The following KLHL36 variants were observed in gnomAD, a reference collection of about 807,000 sequenced individuals.
KLHL36 encodes the protein kelch like family member 36, also known as kelch-like protein 36.
Under a neutral mutation model 53.3 loss-of-function variants are expected in KLHL36, and 35 were observed. The observed-to-expected ratio is 0.66, with a 90% CI of 0.50 to 0.87. KLHL36 has a LOEUF of 0.87. KLHL36 is among the 40% of genes least tolerant of loss of function. The probability of loss-of-function intolerance (pLI) is 0.00; values close to 1 mark genes in which losing one functional copy is unlikely to be tolerated. For synonymous variants in KLHL36, 472 were observed against 398.9 expected, an observed-to-expected ratio of 1.18 and a Z score of -2.18; for missense variants, 864 against 897.6, an observed-to-expected ratio of 0.96 and a Z score of 0.48.
At chr16:84,649,534 A>C (rs1906701032) in intron 1 of KLHL36, among the ~76,000 whole-genome samples, 1 of 151,132 alleles carries the variant, frequency 6.6e-6, no homozygotes, top group East Asian at 2.0e-4. Flanking sequence ...CGCGGTGGGC[A>C]CCGCACCAAC....
At chr16:84,652,966 C>A (rs1237760070) in intron 2 of KLHL36, among the ~76,000 whole-genome samples, 1 of 152,168 alleles carries the variant, frequency 6.6e-6, no homozygotes. Context: ...GCCTGTAATC[C>A]CAGCACCCTG....
chr16:84,667,022 A>G lies in KLHL36; in HGVS notation c.*4889A>G, dbSNP rs957713565. On this transcript the variant is annotated 3_prime_UTR_variant, in exon 5 of 5. Coordinates refer to ENST00000564996, the MANE Select transcript of KLHL36 (RefSeq NM_024731.4). Reference sequence around the variant, plus strand: ...GGTTGCAGTGAGCCGAGGTTGCGCCACTGCACTCCAGCCTGGGTGACCGAG... The same window carrying G: ...GGTTGCAGTGAGCCGAGGTTGCGCCGCTGCACTCCAGCCTGGGTGACCGAG... 6.6e-6 allele frequency: 1 copy of G among 151,002 alleles called. No homozygotes were observed. Among genetic ancestry groups the G allele is most frequent in the Non-Finnish European group, 1.5e-5 (1 of 67,826 alleles). 9.4% of individuals were successfully genotyped at this position (151,002 alleles called of 1,614,324 possible).
chr16:84,652,430 C>T (rs137898434), intron 2 of KLHL36, among the ~76,000 whole-genome samples: 12 of 152,032 alleles, frequency 7.9e-5, no homozygotes, highest in South Asian at 2.1e-4. Flanking sequence ...GCCACCATGC[C>T]CAGCTAATTT....
In KLHL36 at chr16:84,650,772, G is replaced by A. The variant is rs1244374890; in HGVS notation, c.-16-80G>A. Reference sequence around the variant, plus strand: ...TGTGACTGTTTTCACTGTCATCCTTGGTATCTGCTAGCAGGGCCTGAAATT... The same window carrying A: ...TGTGACTGTTTTCACTGTCATCCTTAGTATCTGCTAGCAGGGCCTGAAATT... On this transcript the variant is annotated intron_variant, in intron 1 of 4. Transcript: ENST00000564996. The A allele has an allele frequency of 1.3e-5, 13 of 986,122 alleles. No individual in the cohort carries two copies. The East Asian group carries it at 3.0e-4, about 23-fold the overall frequency. 61.1% of individuals were successfully genotyped at this position (986,122 alleles called of 1,614,324 possible).
Position 84,657,081 on chromosome 16 carries a change from G to A in KLHL36, c.274G>A (p.Ala92Thr), listed in dbSNP as rs1289972538. ...AFQKEVELIG[A>T]SYIGLKAVVD... ...CCAGAAGGAGGTGGAGCTGATCGGC[G>A]CCTCCTACATTGGGCTCAAGGCCGT... Residue 92 changes from alanine (A) to threonine (T), a missense_variant, in exon 3 of 5, where the codon GCC becomes ACC. Coordinates refer to ENST00000564996, the MANE Select transcript of KLHL36 (RefSeq NM_024731.4). 4.3e-6 allele frequency: 7 copies of A among 1,614,036 alleles called. No individual in the cohort carries two copies. The highest frequency in any genetic ancestry group is 1.1e-5 in the South Asian group (1 of 91,084).
At position 84,665,498 on chromosome 16, in the gene KLHL36, A is replaced by G. The variant is rs893817278; in HGVS notation, c.*3365A>G. On this transcript the variant is annotated 3_prime_UTR_variant, in exon 5 of 5. Transcript: ENST00000564996. ...CTGCTGTTTTAAATGCACAGAGATT[A>G]TTTTATCAACTGTGGTTAGCACGCA... 2.6e-5 allele frequency: 4 copies of G among 152,142 alleles called. No individual in the cohort carries two copies. Among genetic ancestry groups the G allele is most frequent in the African/African-American group, 9.7e-5 (4 of 41,428 alleles). The allele number at this position is 152,142 out of a possible 1,614,324, so 9.4% of individuals were successfully genotyped here. A position where few individuals can be genotyped will look rare whatever the true frequency, so the allele number is the denominator to read the frequency against.
Position 84,648,573 on chromosome 16 carries a change from A to C in KLHL36, c.-93A>C, listed in dbSNP as rs1036539487. 2 of 145,578 alleles carry C rather than the reference A, an allele frequency of 1.4e-5. No homozygotes were observed. The highest frequency in any genetic ancestry group is 5.0e-5 in the African/African-American group (2 of 40,154). The allele number at this position is 145,578 out of a possible 1,614,324, so 9.0% of individuals were successfully genotyped here. A position where few individuals can be genotyped will look rare whatever the true frequency, so the allele number is the denominator to read the frequency against. On this transcript the variant is annotated 5_prime_UTR_variant, in exon 1 of 5. Transcript: ENST00000564996. This position sits in a 1 kb window ranked among gnomAD's most constrained non-coding sequence, Gnocchi z 4.9. ...AGCGGGCTGGCCGGGGGTCTCCTGAACCCGGGCCCCGCCGCCCCGACCGCC... is the reference window on the plus strand; with the variant it reads ...AGCGGGCTGGCCGGGGGTCTCCTGACCCCGGGCCCCGCCGCCCCGACCGCC...
At chr16:84,660,259 A>G (rs1299820000) in intron 4 of KLHL36, among the ~76,000 whole-genome samples, 2 of 152,158 alleles carry the variant, frequency 1.3e-5, no homozygotes, top group Non-Finnish European at 2.9e-5. Context: ...TATATGTGCT[A>G]GATCTAAGCC....
chr16:84,657,719 C>T lies in KLHL36; in HGVS notation c.912C>T (p.Val304=), dbSNP rs1311146538. The T allele has an allele frequency of 6.2e-7, 1 of 1,612,554 alleles. No individual in the cohort carries two copies. The change falls in exon 3 of 5, where the codon GTC becomes GTT. Residue 304 remains valine, a synonymous_variant. Coordinates refer to ENST00000564996, the MANE Select transcript of KLHL36 (RefSeq NM_024731.4). ...QERLLFVGGE[V]SERCLELSDD... is the part of the protein sequence containing the mutation. ...GCCTGCTGTTTGTGGGCGGCGAGGTCTCCGAGCGGTGTCTGGAGCTCAGTG... is the reference window on the plus strand; with the variant it reads ...GCCTGCTGTTTGTGGGCGGCGAGGTTTCCGAGCGGTGTCTGGAGCTCAGTG...
Position 84,661,523 on chromosome 16 carries a change from G to C in KLHL36, c.1296-55G>C. On this transcript the variant is annotated intron_variant, in intron 4 of 4. Transcript: ENST00000564996. This position sits in a 1 kb window ranked among gnomAD's most constrained non-coding sequence, Gnocchi z 7.9. ...CAGGCTGTTCCCCGGCTCGGAGGGG[G>C]TAAGCCTGGCACAGCCCTGAGCTCT... The C allele has an allele frequency of 6.6e-7, 1 of 1,512,788 alleles. No homozygotes were observed. The highest frequency in any genetic ancestry group is 2.3e-5 in the East Asian group (1 of 43,898). The allele number at this position is 1,512,788 out of a possible 1,614,324, so 93.7% of individuals were successfully genotyped here. A position where few individuals can be genotyped will look rare whatever the true frequency, so the allele number is the denominator to read the frequency against.
At chr16:84,660,592 G>C (rs8053334) in intron 4 of KLHL36, among the ~76,000 whole-genome samples, 42,200 of 152,082 alleles carry the variant, frequency 0.28, 6,021 homozygotes, top group Non-Finnish European at 0.32. Context: ...CCAGGTGTCC[G>C]TAAGAGTTAG....
chr16:84,649,212 A>G (rs1324293961), intron 1 of KLHL36: 1 of 152,328 alleles, frequency 6.6e-6, no homozygotes. Flanking sequence ...CCTGCTTCCA[A>G]AAAGCGTCGG....
intron 2 of KLHL36, among the ~76,000 whole-genome samples, chr16:84,654,001 GC>G (rs879587229): frequency 2.0e-5 from 3 of 152,188 alleles, no homozygotes; most frequent in Middle Eastern, 3.2e-3. Flanking sequence ...AAACAACACT[GC>G]TCTTGCCCCC....
intron 2 of KLHL36, among the ~76,000 whole-genome samples, chr16:84,655,473 A>G (rs1247318951): frequency 6.6e-6 from 1 of 152,138 alleles, no homozygotes; most frequent in African/African-American, 2.4e-5. Flanking sequence ...GTTACTCAGG[A>G]GGCTAAGGCG....
Position 84,666,801 on chromosome 16 carries a change from G to C in KLHL36, c.*4668G>C, listed in dbSNP as rs913520252. ...TTGTCCTTTGGGGCCGGGCGCAGTG[G>C]CTCACGCCTGTACTCCCAGCACTCT... On this transcript the variant is annotated 3_prime_UTR_variant, in exon 5 of 5. Coordinates refer to ENST00000564996, the MANE Select transcript of KLHL36 (RefSeq NM_024731.4). 6.6e-6 allele frequency: 1 copy of C among 152,080 alleles called. No homozygotes were observed. Among genetic ancestry groups the C allele is most frequent in the African/African-American group, 2.4e-5 (1 of 41,376 alleles). 9.4% of individuals were successfully genotyped at this position (152,080 alleles called of 1,614,324 possible). A position where few individuals can be genotyped will look rare whatever the true frequency, so the allele number is the denominator to read the frequency against.
Position 84,662,607 on chromosome 16 carries a change from C to T in KLHL36, c.*474C>T, listed in dbSNP as rs1907624866. On this transcript the variant is annotated 3_prime_UTR_variant, in exon 5 of 5. Transcript: ENST00000564996. ...CACCAGGAACGGGGAGGAGGTGGTG[C>T]CCAGAAGCTGTATTTTAACTAGTTC... 6.5e-6 allele frequency: 1 copy of T among 154,350 alleles called. No homozygotes were observed. Among genetic ancestry groups the T allele is most frequent in the African/African-American group, 2.4e-5 (1 of 41,476 alleles). The allele number at this position is 154,350 out of a possible 1,614,324, so 9.6% of individuals were successfully genotyped here. A position where few individuals can be genotyped will look rare whatever the true frequency, so the allele number is the denominator to read the frequency against.
intron 2 of KLHL36, among the ~76,000 whole-genome samples, chr16:84,655,916 A>C (rs1414698937): frequency 6.6e-6 from 1 of 151,724 alleles, no homozygotes; most frequent in Non-Finnish European, 1.5e-5. Flanking sequence ...ATTTAGAGAC[A>C]GGGTTTCTTT....
chr16:84,650,072 A>G (rs555140279), intron 1 of KLHL36, among the ~76,000 whole-genome samples: 1 of 150,732 alleles, frequency 6.6e-6, no homozygotes, highest in Non-Finnish European at 1.5e-5. Flanking sequence ...CGCTTCCCTG[A>G]GCTGGAATCC....
chr16:84,659,651 C>A, intron 3 of KLHL36, 109 bp from the exon 4 acceptor site: 2 of 1,157,134 alleles, frequency 1.7e-6, no homozygotes, highest in Non-Finnish European at 2.5e-6. Context: ...CTTTCCCAAA[C>A]ATTCTCCGGG....
Sources: gnomAD v4.1 joint callset for allele counts (sites outside exome capture counted in the v4.1 genomes callset) on GRCh38, gnomAD v4.1.1 for gene constraint, Gnocchi (gnomAD v3.1) non-coding constraint, MANE v1.5 for transcripts, NCBI Gene and HGNC (gene_info 2026-07-23, HGNC 2026-07-21) for gene names.